GRIK3: variants seen among roughly 807,000 people sequenced by gnomAD.
GRIK3 encodes the protein glutamate ionotropic receptor kainate type subunit 3.
A neutral mutation model predicts 102.5 loss-of-function variants in GRIK3; 29 were observed. That is an observed-to-expected ratio of 0.28 (90% CI 0.21 to 0.39). The LOEUF (loss-of-function observed/expected upper bound fraction) is 0.39. GRIK3 is among the 10% of genes least tolerant of loss of function. The pLI is 1.00. For synonymous variants in GRIK3, 511 were observed against 504.9 expected, an observed-to-expected ratio of 1.01 and a Z score of -0.16; for missense variants, 908 against 1,252.4, an observed-to-expected ratio of 0.73 and a Z score of 4.15.
intron 14 of GRIK3, 21 bp from the exon 15 acceptor site, chr1:36,805,258 C>T: frequency 1.3e-6 from 2 of 1,590,182 alleles, no homozygotes; most frequent in Non-Finnish European, 1.7e-6. Flanking sequence ...AGAAGGGACC[C>T]CTAGCCATCA....
intron 1 of GRIK3, among the ~76,000 whole-genome samples, chr1:36,928,265 T>A (rs934943448): frequency 6.6e-6 from 1 of 152,206 alleles, no homozygotes; most frequent in African/African-American, 2.4e-5. Context: ...TCTCTCTGAG[T>A]GTGCGAGGTA....
intron 1 of GRIK3, among the ~76,000 whole-genome samples, chr1:36,939,872 C>T (rs540292752): frequency 2.0e-5 from 3 of 152,248 alleles, no homozygotes; most frequent in Middle Eastern, 6.8e-3. Flanking sequence ...CTACCACTAC[C>T]GTTGTCCCTG....
intron 1 of GRIK3, among the ~76,000 whole-genome samples, chr1:36,961,543 C>T (rs1642009518): frequency 6.6e-6 from 1 of 152,186 alleles, no homozygotes; most frequent in Admixed American, 6.5e-5. Context: ...CCCACCGGGC[C>T]CCAGGCACAG....
chr1:36,924,123 A>C (rs1641501896), intron 1 of GRIK3, among the ~76,000 whole-genome samples: 1 of 152,234 alleles, frequency 6.6e-6, no homozygotes, highest in Admixed American at 6.5e-5. Flanking sequence ...CTGCCAGGGC[A>C]GAGGATCAAG....
chr1:36,899,803 A>C (rs1641215380), intron 1 of GRIK3, among the ~76,000 whole-genome samples: 1 of 152,244 alleles, frequency 6.6e-6, no homozygotes, highest in African/African-American at 2.4e-5. Context: ...TGGGTCAAGG[A>C]ACTTTATCAG....
chr1:36,897,986 T>C (rs1384408658), intron 1 of GRIK3, among the ~76,000 whole-genome samples: 1 of 152,172 alleles, frequency 6.6e-6, no homozygotes, highest in Non-Finnish European at 1.5e-5. Flanking sequence ...TCATCTCATT[T>C]TCAACAACAT....
At chr1:36,992,873 A>T (rs761054405) in intron 1 of GRIK3, among the ~76,000 whole-genome samples, 1 of 152,166 alleles carries the variant, frequency 6.6e-6, no homozygotes, top group Non-Finnish European at 1.5e-5. Context: ...CCAGGATTGG[A>T]ACTGGACAGT....
intron 1 of GRIK3, among the ~76,000 whole-genome samples, chr1:36,915,128 A>G (rs1557723707): frequency 6.6e-6 from 1 of 152,204 alleles, no homozygotes; most frequent in Non-Finnish European, 1.5e-5. Flanking sequence ...CTCAGGGAGC[A>G]CCCACCATGT....
Position 36,806,037 on chromosome 1 carries a change from G to C in GRIK3, c.2314+67C>G. The C allele has an allele frequency of 2.0e-6, 2 of 1,009,026 alleles. No homozygotes were observed. Among genetic ancestry groups the C allele is most frequent in the Non-Finnish European group, 3.1e-6 (2 of 651,418 alleles). 62.5% of individuals were successfully genotyped at this position (1,009,026 alleles called of 1,614,324 possible). On this transcript the variant is annotated intron_variant, in intron 14 of 15. Transcript: ENST00000373091. This position sits in a 1 kb window ranked among gnomAD's most constrained non-coding sequence, Gnocchi z 4.0. ...ATGAGCTGTGAGACGGAGTGTGAGG[G>C]GACGCGGGGGTGGAGCCCTCCCTCT...
intron 9 of GRIK3, among the ~76,000 whole-genome samples, chr1:36,845,120 C>A (rs1201880910): frequency 6.6e-6 from 1 of 152,150 alleles, no homozygotes; most frequent in Non-Finnish European, 1.5e-5. Flanking sequence ...ATGGTGCTCG[C>A]CTTAGTAATG....
At chr1:36,914,940 G>GC (rs1641382595) in intron 1 of GRIK3, among the ~76,000 whole-genome samples, 1 of 152,202 alleles carries the variant, frequency 6.6e-6, no homozygotes, top group Admixed American at 6.5e-5. Context: ...GGTGCTTTGT[G>GC]CCTCTCCCTG....
intron 1 of GRIK3, among the ~76,000 whole-genome samples, chr1:37,005,301 CAGCCCACTA>C (rs1642519810): frequency 6.6e-6 from 1 of 152,228 alleles, no homozygotes; most frequent in Admixed American, 6.5e-5. Context: ...CCCCACCTTG[CAGCCCACTA>C]GGGCTGACTC....
At chr1:36,854,926 A>G (rs910309029) in intron 7 of GRIK3, among the ~76,000 whole-genome samples, 1 of 152,220 alleles carries the variant, frequency 6.6e-6, no homozygotes, top group Non-Finnish European at 1.5e-5. Flanking sequence ...AACAAGAGGC[A>G]GAGCCAAACT....
intron 10 of GRIK3, among the ~76,000 whole-genome samples, chr1:36,838,522 T>C (rs1570752837): frequency 6.6e-6 from 1 of 151,900 alleles, no homozygotes; most frequent in African/African-American, 2.4e-5. Flanking sequence ...GGCAGGCGAG[T>C]GTGTCAGCAG....
intron 1 of GRIK3, among the ~76,000 whole-genome samples, chr1:36,999,084 G>T (rs866550912): frequency 3.3e-5 from 5 of 152,154 alleles, no homozygotes; most frequent in Middle Eastern, 3.4e-3. Context: ...TGGGAGGGTG[G>T]CTCAGGGGAA....
At chr1:36,817,440 C>T (rs1187786862) in intron 12 of GRIK3, among the ~76,000 whole-genome samples, 163 bp from the exon 13 acceptor site, 1 of 152,228 alleles carries the variant, frequency 6.6e-6, no homozygotes, top group Non-Finnish European at 1.5e-5. Context: ...GCAACATCAT[C>T]ACCTGGAACT....
At chr1:36,991,146 G>A (rs1642358951) in intron 1 of GRIK3, among the ~76,000 whole-genome samples, 1 of 152,172 alleles carries the variant, frequency 6.6e-6, no homozygotes, top group African/African-American at 2.4e-5. Flanking sequence ...CTCTGAGCCT[G>A]TCTTCTCATC....
intron 1 of GRIK3, among the ~76,000 whole-genome samples, chr1:36,914,347 T>C (rs1641377004): frequency 6.6e-6 from 1 of 152,208 alleles, no homozygotes; most frequent in Admixed American, 6.5e-5. Context: ...TAAAGTCTTC[T>C]TTAAGTTGAG....
At chr1:37,008,849 A>G (rs961997928) in intron 1 of GRIK3, among the ~76,000 whole-genome samples, 7 of 152,240 alleles carry the variant, frequency 4.6e-5, no homozygotes, top group African/African-American at 1.7e-4. Flanking sequence ...TCAGGAGAGA[A>G]TTAAGTCATT....
Sources: allele counts gnomAD v4.1 joint callset (sites outside exome capture counted in the v4.1 genomes callset), GRCh38; gene constraint gnomAD v4.1.1; non-coding constraint Gnocchi (gnomAD v3.1); transcripts MANE v1.5; gene names NCBI Gene and HGNC (gene_info 2026-07-23, HGNC 2026-07-21).